UPRT: variants seen among roughly 807,000 people sequenced by gnomAD.
The protein encoded by UPRT is RP11-311P8.3.
Under a neutral mutation model 22.6 loss-of-function variants are expected in UPRT, and 5 were observed. The observed-to-expected ratio is 0.22, with a 90% confidence interval of 0.12 to 0.47. UPRT has a LOEUF of 0.47. Among genes scored for constraint, UPRT ranks in the 20% least tolerant of loss-of-function variants. The pLI, the probability that UPRT is intolerant of heterozygous loss-of-function variation, is 0.99. For missense variants in UPRT, 181 were observed against 239.9 expected (o/e 0.75, Z 1.62); for synonymous variants, 77 against 87.7 (o/e 0.88, Z 0.68).
rs1381896987 is a variant in UPRT, at chrX:75,304,176, C to G, written c.*665C>G. 9.0e-6 allele frequency: 1 copy of G among 111,398 alleles called. No individual in the cohort carries two copies. 9.2% of individuals were successfully genotyped at this position (111,398 alleles called of 1,213,427 possible). ...GGTGGGGCATTTTTAGTAATTGGAA[C>G]TGTAACATTAATTTACAAGATTGAA... On this transcript the variant is annotated 3_prime_UTR_variant, in exon 7 of 7. Coordinates refer to ENST00000373383, the MANE Select transcript of UPRT (RefSeq NM_145052.4).
At chrX:75,287,133 A>G (rs1220458574) in intron 1 of UPRT, among the ~76,000 whole-genome samples, 1 of 111,396 alleles carries the variant, frequency 9.0e-6, no homozygotes, top group Admixed American at 9.5e-5. Flanking sequence ...ATACGTATGT[A>G]TATGTAGTTG....
intron 1 of UPRT, among the ~76,000 whole-genome samples, chrX:75,278,456 G>A (rs1192367654): frequency 9.0e-6 from 1 of 111,693 alleles, no homozygotes; most frequent in Non-Finnish European, 1.9e-5. Flanking sequence ...CTTGGGATAA[G>A]AAAAAATTTC....
chrX:75,264,616 T>C (rs1391752941), intron 4 of UPRT, among the ~76,000 whole-genome samples: 1 of 110,361 alleles, frequency 9.1e-6, no homozygotes, highest in South Asian at 3.8e-4. Flanking sequence ...CCTTTGTGTG[T>C]CACTGATGGG....
At position 75,216,944 on chromosome X, in the gene UPRT, C is replaced by T. The variant is rs760275201; in HGVS notation, c.-447+49065C>T. 2.2e-4 allele frequency among the ~76,000 whole-genome samples: 25 copies of T among 111,440 alleles called. 1 individual carries two copies. In the South Asian group the frequency reaches 9.1e-3, roughly 41 times the overall value. ...TAATTTTTTGTGTTTTTAGTAGAGA[C>T]GGGGTTTCACCGTGTTAGCCAGGAT... On this transcript the variant is annotated intron_variant, in intron 4 of 13. Coordinates refer to the UPRT transcript ENST00000652605.
chrX:75,191,101 T>C (rs1338840250), intron 4 of UPRT, among the ~76,000 whole-genome samples: 3 of 111,951 alleles, frequency 2.7e-5, no homozygotes, highest in Non-Finnish European at 5.6e-5. Context: ...TTCCCCATCT[T>C]TGTGGTTTTA....
At chrX:75,246,942 T>C (rs1054771805) in intron 4 of UPRT, among the ~76,000 whole-genome samples, 2 of 112,154 alleles carry the variant, frequency 1.8e-5, no homozygotes, top group Non-Finnish European at 3.8e-5. Flanking sequence ...AATAAGCATG[T>C]CACTTTATAG....
intron 4 of UPRT, among the ~76,000 whole-genome samples, chrX:75,211,779 T>A (rs1019184222): frequency 3.6e-5 from 4 of 111,430 alleles, no homozygotes; most frequent in African/African-American, 1.3e-4. Flanking sequence ...CACCAAAATG[T>A]TAGGTTTTGA....
chrX:75,263,994 G>A (rs1250073163), intron 4 of UPRT, among the ~76,000 whole-genome samples: 1 of 110,922 alleles, frequency 9.0e-6, no homozygotes, highest in Admixed American at 9.7e-5. Context: ...TCATTCAGGA[G>A]CAGGTTGTTC....
chrX:75,188,607 C>T (rs2082303538), intron 4 of UPRT, among the ~76,000 whole-genome samples: 1 of 112,486 alleles, frequency 8.9e-6, no homozygotes, highest in East Asian at 2.8e-4. Flanking sequence ...CAATGGCGGG[C>T]GCCCCTCCCC....
At chrX:75,257,057 AC>A (rs772710022) in intron 4 of UPRT, among the ~76,000 whole-genome samples, 1 of 111,847 alleles carries the variant, frequency 8.9e-6, no homozygotes, top group East Asian at 2.8e-4. Context: ...CCAGGAAAAA[AC>A]ATAACCAAAA....
intron 4 of UPRT, chrX:75,297,791 CAA>C: frequency 2.7e-6 from 1 of 372,603 alleles, no homozygotes; most frequent in Non-Finnish European, 4.7e-6. Flanking sequence ...AGCCAGCTTT[CAA>C]AGAGATTCAG....
At chrX:75,296,521 A>G (rs781243509) in intron 3 of UPRT, 110 bp downstream of exon 3, 3 of 599,218 alleles carry the variant, frequency 5.0e-6, no homozygotes, top group Admixed American at 6.1e-5. Flanking sequence ...ATGAAGGGCT[A>G]GGTGGAGCTA....
At chrX:75,183,472 G>A (rs187453117) in intron 4 of UPRT, among the ~76,000 whole-genome samples, 62 of 111,899 alleles carry the variant, frequency 5.5e-4, no homozygotes, top group African/African-American at 1.9e-3. Flanking sequence ...GAATAGTGCC[G>A]CAGTAAACAT....
intron 3 of UPRT, among the ~76,000 whole-genome samples, chrX:75,165,342 C>T (rs894610695): frequency 9.8e-5 from 11 of 111,742 alleles, no homozygotes; most frequent in Non-Finnish European, 2.1e-4. Context: ...ATATCTTTTC[C>T]CCTTATCTGA....
At chrX:75,216,059 A>G (rs1224747513) in intron 4 of UPRT, among the ~76,000 whole-genome samples, 2 of 111,726 alleles carry the variant, frequency 1.8e-5, no homozygotes, top group East Asian at 2.8e-4. Flanking sequence ...CAAAGACATT[A>G]CAAGAAAAGA....
At chrX:75,195,573 A>ATTTGCT (rs2082330445) in intron 4 of UPRT, among the ~76,000 whole-genome samples, 1 of 112,167 alleles carries the variant, frequency 8.9e-6, no homozygotes, top group Non-Finnish European at 1.9e-5. Flanking sequence ...TGCCAGCTGA[A>ATTTGCT]GTGTCCATGA....
intron 4 of UPRT, among the ~76,000 whole-genome samples, chrX:75,231,420 A>G (rs1376300647): frequency 8.9e-6 from 1 of 112,673 alleles, no homozygotes; most frequent in Non-Finnish European, 1.9e-5. Context: ...GAATTAAAAA[A>G]TGAACAAAGC....
intron 4 of UPRT, among the ~76,000 whole-genome samples, chrX:75,235,667 C>A (rs1398645064): frequency 9.0e-6 from 1 of 111,674 alleles, no homozygotes; most frequent in African/African-American, 3.3e-5. Context: ...AAATGTAATC[C>A]AGCATATAAA....
In UPRT at chrX:75,267,058, T is replaced by C. The variant is rs189804385; in HGVS notation, c.-446-23966T>C. ...TTCGTCAAGGATCTAGAACTAGATATACCATTTGACCCAGCCATCCAATTA... is the reference window on the plus strand; with the variant it reads ...TTCGTCAAGGATCTAGAACTAGATACACCATTTGACCCAGCCATCCAATTA... On this transcript the variant is annotated intron_variant, in intron 4 of 13. Transcript: ENST00000652605. Among the ~76,000 whole-genome samples the C allele has an allele frequency of 8.1e-5, 9 of 111,502 alleles. No homozygotes were observed. The East Asian group carries it at 2.6e-3, about 32-fold the overall frequency.
Sources: allele counts gnomAD v4.1 joint callset (sites outside exome capture counted in the v4.1 genomes callset), GRCh38; gene constraint gnomAD v4.1.1; transcripts MANE v1.5; gene names NCBI Gene and HGNC (gene_info 2026-07-23, HGNC 2026-07-21).